NSRP1: variants seen among roughly 807,000 people sequenced by gnomAD.
NSRP1 encodes coiled-coil domain containing 55.
A neutral mutation model predicts 54.7 loss-of-function variants in NSRP1; 24 were observed. The observed-to-expected ratio is 0.44, with a 90% confidence interval of 0.32 to 0.62. The LOEUF (loss-of-function observed/expected upper bound fraction) is 0.62, where lower values mean the gene tolerates loss of function less well. Ranked by LOEUF, NSRP1 falls within the 20% of genes least tolerant of loss-of-function variation. NSRP1 has a pLI of 0.06. For missense variants in NSRP1, 596 were observed against 651.2 expected (o/e 0.92, Z 0.92); for synonymous variants, 210 against 213.8 (o/e 0.98, Z 0.15).
intron 2 of NSRP1, chr17:30,127,990 A>G (rs966127189): frequency 7.6e-6 from 3 of 396,102 alleles, no homozygotes; most frequent in African/African-American, 2.1e-5. Context: ...ACACACCACC[A>G]TGCCTGGCTA....
At chr17:30,172,414 C>T in intron 2 of NSRP1, 128 bp from the exon 3 acceptor site, 1 of 581,210 alleles carries the variant, frequency 1.7e-6, no homozygotes, top group East Asian at 3.0e-5. Context: ...GGTGCTGAAC[C>T]AGTAAGTATT....
intron 3 of NSRP1, 160 bp from the exon 4 acceptor site, chr17:30,177,911 G>A: frequency 1.2e-6 from 1 of 842,868 alleles, no homozygotes. Context: ...TTCATACCCA[G>A]GCAGCCTGGC....
intron 6 of NSRP1, among the ~76,000 whole-genome samples, chr17:30,181,476 C>T (rs1905291658): frequency 6.7e-6 from 1 of 148,632 alleles, no homozygotes; most frequent in South Asian, 2.1e-4. Flanking sequence ...AATCATAGCT[C>T]ACTGCAGCCT....
At chr17:30,172,458 C>T (rs1904985864) in intron 2 of NSRP1, 84 bp from the exon 3 acceptor site, 3 of 986,708 alleles carry the variant, frequency 3.0e-6, no homozygotes, top group Admixed American at 2.7e-5. Context: ...CTTCTGGTCC[C>T]ATGTATTTTA....
At chr17:30,157,350 G>A (rs969903842) in intron 2 of NSRP1, among the ~76,000 whole-genome samples, 1 of 151,998 alleles carries the variant, frequency 6.6e-6, no homozygotes, top group Non-Finnish European at 1.5e-5. Context: ...CATATTTATG[G>A]TGTACATGTG....
chr17:30,160,150 C>G (rs1904464407), intron 2 of NSRP1, among the ~76,000 whole-genome samples: 1 of 152,030 alleles, frequency 6.6e-6, no homozygotes, highest in African/African-American at 2.4e-5. Context: ...GGGATAAATC[C>G]CACTTGATTG....
chr17:30,151,605 AC>A (rs1351963987), intron 2 of NSRP1, among the ~76,000 whole-genome samples: 14 of 152,212 alleles, frequency 9.2e-5, no homozygotes, highest in Middle Eastern at 3.4e-3. Context: ...GATTGGTCTT[AC>A]TGTTTCTGAG....
chr17:30,125,322 CTTA>C (rs2071640211), intron 2 of NSRP1, among the ~76,000 whole-genome samples: 5 of 152,200 alleles, frequency 3.3e-5, no homozygotes, highest in African/African-American at 1.2e-4. Flanking sequence ...AAGATAATTT[CTTA>C]TTCCCCTCCT....
chr17:30,118,301 A>G, intron 2 of NSRP1, 128 bp downstream of exon 2: 2 of 622,016 alleles, frequency 3.2e-6, no homozygotes, highest in Non-Finnish European at 5.3e-6. Context: ...CAGAATTGTC[A>G]AAAAGGAAGG....
intron 2 of NSRP1, among the ~76,000 whole-genome samples, chr17:30,142,397 C>G (rs2071813687): frequency 1.3e-5 from 2 of 151,938 alleles, no homozygotes; most frequent in Non-Finnish European, 2.9e-5. Context: ...TCTATCATAG[C>G]TCACTGCAGC....
chr17:30,152,679 C>T (rs903793506), intron 2 of NSRP1, among the ~76,000 whole-genome samples: 2 of 151,616 alleles, frequency 1.3e-5, no homozygotes, highest in African/African-American at 4.8e-5. Context: ...GTTCTTTCCC[C>T]TTTGAATTGT....
At chr17:30,125,004 G>A (rs936056820) in intron 2 of NSRP1, among the ~76,000 whole-genome samples, 1 of 152,140 alleles carries the variant, frequency 6.6e-6, no homozygotes, top group East Asian at 1.9e-4. Context: ...TTCAAGACCA[G>A]CCTGGCCAAT....
chr17:30,182,891 G>A (rs556661785), intron 6 of NSRP1, among the ~76,000 whole-genome samples: 20 of 152,182 alleles, frequency 1.3e-4, no homozygotes, highest in East Asian at 3.9e-4. Flanking sequence ...CTGAGATTGC[G>A]CCACTGCACT....
Position 30,178,156 on chromosome 17 carries a change from A to G in NSRP1, c.257A>G (p.Lys86Arg), listed in dbSNP as rs11544945. 1 of 1,610,156 alleles carries G rather than the reference A, an allele frequency of 6.2e-7. No individual in the cohort carries two copies. Among genetic ancestry groups the G allele is most frequent in the Admixed American group, 1.7e-5 (1 of 59,288 alleles). ...DSIYDEMQKK[K>R]EENNPKLLLG... ...ATTTATGATGAAATGCAGAAAAAAAAGGAGGAAAATAATCCCAAATTGCTT... is the reference window on the plus strand; with the variant it reads ...ATTTATGATGAAATGCAGAAAAAAAGGGAGGAAAATAATCCCAAATTGCTT... Residue 86 changes from lysine (K) to arginine (R), a missense_variant, in exon 4 of 7, where the codon AAG (lysine) becomes AGG (arginine). Lys to Arg is a conservative substitution (Grantham distance 26). Transcript: ENST00000247026.
intron 2 of NSRP1, among the ~76,000 whole-genome samples, chr17:30,120,236 T>A (rs900474107): frequency 6.9e-6 from 1 of 145,002 alleles, no homozygotes; most frequent in African/African-American, 2.9e-5. Context: ...TTAAAATGGA[T>A]TTTTTCCCCC....
chr17:30,117,323 C>CA, intron 1 of NSRP1: 2 of 566,086 alleles, frequency 3.5e-6, no homozygotes, highest in Non-Finnish European at 6.3e-6. Context: ...TGAGAAGCCA[C>CA]AGAAAAAGGG....
At chr17:30,174,797 T>A (rs559159741) in intron 3 of NSRP1, among the ~76,000 whole-genome samples, 1 of 152,340 alleles carries the variant, frequency 6.6e-6, no homozygotes, top group Admixed American at 6.5e-5. Context: ...TCATTGTAAC[T>A]TCACATAAGT....
At chr17:30,148,816 A>G (rs2071880445) in intron 2 of NSRP1, among the ~76,000 whole-genome samples, 1 of 152,174 alleles carries the variant, frequency 6.6e-6, no homozygotes, top group African/African-American at 2.4e-5. Context: ...TGTTCACGAT[A>G]GTGTTTTTTA....
In NSRP1 at chr17:30,185,265, T is replaced by G. The variant is rs765323379; in HGVS notation, c.1268T>G (p.Val423Gly). Residue 423 changes from valine to glycine, a missense_variant, in exon 7 of 7, where the codon GTA becomes GGA. Coordinates refer to ENST00000247026, the MANE Select transcript of NSRP1 (RefSeq NM_032141.4). ...AAAGCAAAGGAAGAGCATATGAAAG[T>G]AAGGAAGGAAAGATATGAAAATAAT... ...KSKAKEEHMK[V>G]RKERYENNDK... 17 of 1,598,332 alleles carry G rather than the reference T, an allele frequency of 1.1e-5. No individual in the cohort carries two copies. The highest frequency in any genetic ancestry group is 2.3e-5 in the South Asian group (2 of 88,286).
Sources: allele counts gnomAD v4.1 joint callset (sites outside exome capture counted in the v4.1 genomes callset), GRCh38; gene constraint gnomAD v4.1.1; transcripts MANE v1.5; gene names NCBI Gene and HGNC (gene_info 2026-07-23, HGNC 2026-07-21).